Variants in LOC122526780 observed in about 807,000 individuals in gnomAD.
the LOC122526780 span, chr17:6,639,082 C>G: frequency 2.0e-5 from 3 of 152,704 alleles, no homozygotes; most frequent in Non-Finnish European, 4.4e-5. The surrounding 1 kb of genome is among the most constrained non-coding windows in gnomAD (Gnocchi z 4.3). Flanking sequence ...AACAGAGTAT[C>G]CTGTGCCCCA....
chr17:6,639,674 G>A, the LOC122526780 span: 3 of 152,956 alleles, frequency 2.0e-5, no homozygotes, highest in East Asian at 5.8e-4. This position sits in a 1 kb window ranked among gnomAD's most constrained non-coding sequence, Gnocchi z 4.3. Context: ...AGACCGCCGC[G>A]GCTTGTCTCT....
the LOC122526780 span, chr17:6,639,538 C>G: frequency 0.021 from 3,136 of 152,950 alleles, 103 homozygotes; most frequent in African/African-American, 0.07. The surrounding 1 kb of genome is among the most constrained non-coding windows in gnomAD (Gnocchi z 4.3). Flanking sequence ...AGGAGGCACC[C>G]TCCCAGCCTG....
At chr17:6,639,736 G>A in the LOC122526780 span, 7 of 152,854 alleles carry the variant, frequency 4.6e-5, no homozygotes, top group East Asian at 1.9e-4. The surrounding 1 kb of genome is among the most constrained non-coding windows in gnomAD (Gnocchi z 4.3). Context: ...CTCTCCTGCA[G>A]GCACGGGATG....
At chr17:6,639,355 G>C in the LOC122526780 span, 1 of 152,806 alleles carries the variant, frequency 6.5e-6, no homozygotes, top group Non-Finnish European at 1.5e-5. This position sits in a 1 kb window ranked among gnomAD's most constrained non-coding sequence, Gnocchi z 4.3. Flanking sequence ...CGCTCCCACA[G>C]CCCCAGTCCA....
At chr17:6,640,290 G>GACTC in the LOC122526780 span, 1 of 152,688 alleles carries the variant, frequency 6.5e-6, no homozygotes, top group Non-Finnish European at 1.5e-5. Flanking sequence ...GCCTGGGCAA[G>GACTC]GCCCCACGGC....
chr17:6,640,221 CGA>C, the LOC122526780 span: 1 of 152,660 alleles, frequency 6.6e-6, no homozygotes, highest in Non-Finnish European at 1.5e-5. Context: ...CCCCCCGCCC[CGA>C]CCTGCTGGGC....
At chr17:6,638,549 C>A in the LOC122526780 span, 2 of 155,516 alleles carry the variant, frequency 1.3e-5, no homozygotes, top group African/African-American at 4.8e-5. Flanking sequence ...CAGCCAGCCT[C>A]CTGATCCACT....
At chr17:6,639,836 G>A in the LOC122526780 span, 2 of 152,890 alleles carry the variant, frequency 1.3e-5, no homozygotes, top group African/African-American at 2.4e-5. The surrounding 1 kb of genome is among the most constrained non-coding windows in gnomAD (Gnocchi z 4.3). Context: ...TCATGGCCCA[G>A]AGATCCCGGG....
At chr17:6,637,356 C>G in the LOC122526780 span, 1 of 152,488 alleles carries the variant, frequency 6.6e-6, no homozygotes, top group East Asian at 1.9e-4. Context: ...CTGTCTCCCC[C>G]TCCACAGGTC....
the LOC122526780 span, chr17:6,639,379 G>A: frequency 6.5e-6 from 1 of 152,700 alleles, no homozygotes; most frequent in Non-Finnish European, 1.5e-5. This position sits in a 1 kb window ranked among gnomAD's most constrained non-coding sequence, Gnocchi z 4.3. Context: ...CACGGTCCCA[G>A]GCTCGCCCAT....
chr17:6,639,032 C>A, the LOC122526780 span: 1 of 153,234 alleles, frequency 6.5e-6, no homozygotes, highest in Non-Finnish European at 1.5e-5. This position sits in a 1 kb window ranked among gnomAD's most constrained non-coding sequence, Gnocchi z 4.3. Context: ...CCTGGGTCAC[C>A]TCCACATCTA....
chr17:6,638,123 C>T, the LOC122526780 span: 7 of 152,920 alleles, frequency 4.6e-5, no homozygotes, highest in South Asian at 2.0e-4. Context: ...CAATCCTCCC[C>T]GCCAGACCAC....
the LOC122526780 span, chr17:6,637,433 C>G: frequency 1.3e-5 from 2 of 152,372 alleles, no homozygotes; most frequent in Admixed American, 1.3e-4. Context: ...GAGCCGTCAT[C>G]CCCAGAGCCC....
At chr17:6,640,133 C>A in the LOC122526780 span, 1 of 152,650 alleles carries the variant, frequency 6.6e-6, no homozygotes, top group African/African-American at 2.4e-5. Flanking sequence ...GTCTCCCACT[C>A]CGAGGGCTTC....
At chr17:6,637,386 G>A in the LOC122526780 span, 2 of 152,370 alleles carry the variant, frequency 1.3e-5, no homozygotes, top group African/African-American at 4.8e-5. Context: ...TGGCAGCTGT[G>A]GGCCCCTCAG....
At chr17:6,639,654 G>A in the LOC122526780 span, 2 of 152,936 alleles carry the variant, frequency 1.3e-5, no homozygotes, top group Admixed American at 6.5e-5. The surrounding 1 kb of genome is among the most constrained non-coding windows in gnomAD (Gnocchi z 4.3). Flanking sequence ...CCTTCACCCA[G>A]GGCCCTGTAA....
the LOC122526780 span, chr17:6,638,150 C>T: frequency 2.6e-5 from 4 of 153,084 alleles, no homozygotes; most frequent in Admixed American, 6.5e-5. Flanking sequence ...TCCCGAGCCA[C>T]GTGTCCCCCT....
At chr17:6,639,033 T>C in the LOC122526780 span, 1 of 152,522 alleles carries the variant, frequency 6.6e-6, no homozygotes, top group Non-Finnish European at 1.5e-5. The surrounding 1 kb of genome is among the most constrained non-coding windows in gnomAD (Gnocchi z 4.3). Context: ...CTGGGTCACC[T>C]CCACATCTAG....
the LOC122526780 span, chr17:6,638,406 G>A: frequency 8.5e-5 from 13 of 153,132 alleles, no homozygotes; most frequent in Admixed American, 2.0e-4. Context: ...TTCCAGAGCC[G>A]GGCACACCCA....
Sources: allele counts gnomAD v4.1 joint callset, GRCh38; gene constraint gnomAD v4.1.1; non-coding constraint Gnocchi (gnomAD v3.1); transcripts MANE v1.5.